LRRC4C: variants seen among roughly 807,000 people sequenced by gnomAD.
LRRC4C encodes leucine-rich repeat-containing protein 4C.
Under a neutral mutation model 33.6 loss-of-function variants are expected in LRRC4C, and 5 were observed. The ratio of observed to expected loss-of-function variants is 0.15; its 90% CI spans 0.08 to 0.31. The LOEUF (loss-of-function observed/expected upper bound fraction) is 0.31, where lower values mean the gene tolerates loss of function less well. LRRC4C is among the 10% of genes least tolerant of loss of function. The pLI, the probability that LRRC4C is intolerant of heterozygous loss-of-function variation, is 1.00. For synonymous variants in LRRC4C, 329 were observed against 302.0 expected, an observed-to-expected ratio of 1.09 and a Z score of -0.93; for missense variants, 560 against 796.7, an observed-to-expected ratio of 0.70 and a Z score of 3.58.
chr11:40,997,710 G>T (rs775030637), intron 1 of LRRC4C, among the ~76,000 whole-genome samples: 1 of 152,090 alleles, frequency 6.6e-6, no homozygotes, highest in Non-Finnish European at 1.5e-5. Flanking sequence ...AGCAAGGAAT[G>T]ATGTGTAGGT....
At chr11:40,633,261 A>G (rs1476337334) in intron 3 of LRRC4C, among the ~76,000 whole-genome samples, 1 of 151,514 alleles carries the variant, frequency 6.6e-6, no homozygotes, top group African/African-American at 2.4e-5. Context: ...TGCACACACA[A>G]ATACCTGACA....
intron 2 of LRRC4C, among the ~76,000 whole-genome samples, chr11:40,834,854 C>T (rs994787380): frequency 6.8e-6 from 1 of 147,160 alleles, no homozygotes; most frequent in African/African-American, 2.5e-5. Flanking sequence ...GAGAAAGAGG[C>T]TTAGCAAAAC....
chr11:41,013,930 G>T (rs1338082001), intron 1 of LRRC4C, among the ~76,000 whole-genome samples: 1 of 152,104 alleles, frequency 6.6e-6, no homozygotes, highest in Non-Finnish European at 1.5e-5. Context: ...ACCAGATCTT[G>T]AGAGAACTCA....
chr11:40,281,713 C>T (rs1228141049), intron 4 of LRRC4C, among the ~76,000 whole-genome samples: 1 of 152,172 alleles, frequency 6.6e-6, no homozygotes, highest in Non-Finnish European at 1.5e-5. Context: ...AAATGATCAG[C>T]TGCACGGACA....
At chr11:40,683,069 G>C (rs1232512966) in intron 2 of LRRC4C, among the ~76,000 whole-genome samples, 1 of 152,118 alleles carries the variant, frequency 6.6e-6, no homozygotes, top group Non-Finnish European at 1.5e-5. Context: ...GATAACATAC[G>C]AGGAGAATAC....
At chr11:40,751,171 G>T (rs998819485) in intron 2 of LRRC4C, among the ~76,000 whole-genome samples, 1 of 151,930 alleles carries the variant, frequency 6.6e-6, no homozygotes, top group African/African-American at 2.4e-5. Context: ...ATAATCAAGG[G>T]GGAAAAGTTG....
At chr11:40,133,471 A>G (rs1856781401) in intron 6 of LRRC4C, among the ~76,000 whole-genome samples, 1 of 152,210 alleles carries the variant, frequency 6.6e-6, no homozygotes, top group African/African-American at 2.4e-5. Context: ...GCGAAGCACT[A>G]AAGATGTCTG....
intron 3 of LRRC4C, among the ~76,000 whole-genome samples, chr11:40,420,302 A>C (rs1184942667): frequency 6.6e-6 from 1 of 152,170 alleles, no homozygotes; most frequent in Non-Finnish European, 1.5e-5. Flanking sequence ...GTTTGAGCAT[A>C]GCAGGCCTGC....
intron 1 of LRRC4C, among the ~76,000 whole-genome samples, chr11:41,166,819 C>T (rs893287215): frequency 6.6e-6 from 1 of 152,134 alleles, no homozygotes; most frequent in African/African-American, 2.4e-5. Flanking sequence ...TGAGGGTAAA[C>T]AAACACATGT....
intron 1 of LRRC4C, among the ~76,000 whole-genome samples, chr11:41,127,958 G>A (rs564397770): frequency 2.0e-5 from 3 of 152,104 alleles, no homozygotes; most frequent in South Asian, 2.1e-4. Flanking sequence ...CCATTGCTTC[G>A]CAAGCCAAGG....
intron 1 of LRRC4C, among the ~76,000 whole-genome samples, chr11:41,060,213 A>G (rs563929776): frequency 6.6e-6 from 1 of 152,298 alleles, no homozygotes; most frequent in South Asian, 2.1e-4. Flanking sequence ...GATTGTAATC[A>G]TAGAGAGTTA....
rs573486652 is a variant in LRRC4C, at chr11:40,349,496, A to G, written c.-269-29775T>C. On this transcript the variant is annotated intron_variant, in intron 3 of 6. Coordinates refer to ENST00000528697, the MANE Select transcript of LRRC4C (RefSeq NM_001258419.2). Reference sequence around the variant, plus strand: ...GTTGGTGAACACTTCGGTTGCTTCCAAATCTTGGCTATTGTGGATAGTGCT... The same window carrying G: ...GTTGGTGAACACTTCGGTTGCTTCCGAATCTTGGCTATTGTGGATAGTGCT... Among the ~76,000 whole-genome samples the G allele has an allele frequency of 3.3e-5, 5 of 152,220 alleles. No homozygotes were observed. In the South Asian group the frequency reaches 1.0e-3, roughly 32 times the overall value.
At chr11:40,195,673 C>T (rs1023994169) in intron 5 of LRRC4C, among the ~76,000 whole-genome samples, 1 of 151,034 alleles carries the variant, frequency 6.6e-6, no homozygotes, top group African/African-American at 2.4e-5. Context: ...TATAGAACAC[C>T]TTAAATTCTA....
At chr11:40,723,107 T>C (rs1947108620) in intron 2 of LRRC4C, among the ~76,000 whole-genome samples, 1 of 152,132 alleles carries the variant, frequency 6.6e-6, no homozygotes, top group African/African-American at 2.4e-5. Flanking sequence ...TGGAATTATG[T>C]AAAGTGACCA....
chr11:40,283,530 A>AATGG (rs938148930), intron 4 of LRRC4C, among the ~76,000 whole-genome samples: 16 of 152,226 alleles, frequency 1.1e-4, no homozygotes, highest in African/African-American at 3.9e-4. Flanking sequence ...TTGGGAAAAT[A>AATGG]ATGGCCTATA....
At chr11:40,739,029 A>G (rs11599978) in intron 2 of LRRC4C, among the ~76,000 whole-genome samples, 2,657 of 137,220 alleles carry the variant, frequency 0.019, 83 homozygotes, top group African/African-American at 0.065. Context: ...GTGTGTGTGT[A>G]TGTGTGTGTG....
At chr11:41,026,170 A>G (rs1856340611) in intron 1 of LRRC4C, among the ~76,000 whole-genome samples, 1 of 151,742 alleles carries the variant, frequency 6.6e-6, no homozygotes, top group Non-Finnish European at 1.5e-5. Context: ...TGGACAAACT[A>G]TTTTGAAAAC....
intron 2 of LRRC4C, among the ~76,000 whole-genome samples, chr11:40,666,748 A>T (rs4237681): frequency 2.0e-5 from 3 of 151,670 alleles, no homozygotes; most frequent in Non-Finnish European, 4.4e-5. Flanking sequence ...AGAAAAGAGC[A>T]ATTAGAAAAT....
At chr11:40,147,859 T>C (rs981514464) in intron 5 of LRRC4C, among the ~76,000 whole-genome samples, 2 of 152,014 alleles carry the variant, frequency 1.3e-5, no homozygotes, top group African/African-American at 2.4e-5. Flanking sequence ...TTTAGCCTAG[T>C]ATTCATTAGT....
Sources: gnomAD v4.1 joint callset for allele counts (sites outside exome capture counted in the v4.1 genomes callset) on GRCh38, gnomAD v4.1.1 for gene constraint, MANE v1.5 for transcripts, NCBI Gene and HGNC (gene_info 2026-07-23, HGNC 2026-07-21) for gene names.